SV2B: variants seen among roughly 807,000 people sequenced by gnomAD.
SV2B encodes synaptic vesicle glycoprotein 2B.
In SV2B, 41 loss-of-function variants were observed where a neutral mutation model predicts 73.9. The ratio of observed to expected loss-of-function variants is 0.56; its 90% CI spans 0.43 to 0.72. SV2B has a LOEUF of 0.72. SV2B is among the 30% of genes least tolerant of loss of function. The probability of loss-of-function intolerance (pLI) is 0.00; values close to 1 mark genes in which losing one functional copy is unlikely to be tolerated. For synonymous variants in SV2B, 314 were observed against 314.2 expected (o/e 1.00, Z 0.01); for missense variants, 764 against 857.8 (o/e 0.89, Z 1.37).
At chr15:91,144,628 G>A (rs934802195) in intron 1 of SV2B, among the ~76,000 whole-genome samples, 2 of 152,218 alleles carry the variant, frequency 1.3e-5, no homozygotes, top group Admixed American at 6.5e-5. Flanking sequence ...GACTTGCTGA[G>A]TTTGTGGCCA....
chr15:91,174,310 C>T (rs2044226565), intron 1 of SV2B, among the ~76,000 whole-genome samples: 2 of 152,172 alleles, frequency 1.3e-5, no homozygotes, highest in Non-Finnish European at 1.5e-5. Context: ...TACTTAAGTT[C>T]TTTGTGCTTC....
intron 1 of SV2B, among the ~76,000 whole-genome samples, chr15:91,180,530 C>A (rs1331282109): frequency 6.6e-6 from 1 of 152,178 alleles, no homozygotes; most frequent in East Asian, 1.9e-4. Flanking sequence ...TTCAGGTAAC[C>A]AATCAGATGT....
At chr15:91,244,035 C>A (rs2047128343) in intron 2 of SV2B, among the ~76,000 whole-genome samples, 1 of 152,150 alleles carries the variant, frequency 6.6e-6, no homozygotes, top group Admixed American at 6.5e-5. Flanking sequence ...TCTTCATGGG[C>A]TATGTCATAA....
chr15:91,132,285 A>G lies in SV2B; in HGVS notation c.-392+31922A>G, dbSNP rs1047509800. On this transcript the variant is annotated intron_variant, in intron 1 of 12. Transcript: ENST00000394232. This position sits in a 1 kb window ranked among gnomAD's most constrained non-coding sequence, Gnocchi z 4.6. ...CATGTAAATGAAGTAGTAGCCCACAATCAGTCTGATTGGTTGCAGAAAGCA... is the reference window on the plus strand; with the variant it reads ...CATGTAAATGAAGTAGTAGCCCACAGTCAGTCTGATTGGTTGCAGAAAGCA... Among the ~76,000 whole-genome samples the G allele has an allele frequency of 8.5e-5, 13 of 152,316 alleles. No individual in the cohort carries two copies. Among genetic ancestry groups the G allele is most frequent in the South Asian group, 2.1e-4 (1 of 4,822 alleles).
chr15:91,099,887 G>T (rs1192443168), upstream of SV2B: 1 of 152,290 alleles, frequency 6.6e-6, no homozygotes, highest in Non-Finnish European at 1.5e-5. Flanking sequence ...CCTAGGCGGG[G>T]TGGAGACAGC....
Position 91,203,383 on chromosome 15 carries a change from G to A in SV2B, c.-391-22490G>A, listed in dbSNP as rs543295505. ...GAGCCTGGTACCGTTGAAATGAAAAGGCAGGGATTCCCTCTCCACCTGGAA... is the reference window on the plus strand; with the variant it reads ...GAGCCTGGTACCGTTGAAATGAAAAAGCAGGGATTCCCTCTCCACCTGGAA... On this transcript the variant is annotated intron_variant, in intron 1 of 12. Coordinates refer to ENST00000394232, the MANE Select transcript of SV2B (RefSeq NM_001323032.3). Among the ~76,000 whole-genome samples the A allele has an allele frequency of 2.6e-4, 40 of 152,344 alleles. 3 individuals are homozygous for A. The South Asian group carries it at 7.7e-3, about 29-fold the overall frequency.
chr15:91,195,835 A>G (rs2045226666), intron 1 of SV2B, among the ~76,000 whole-genome samples: 1 of 152,232 alleles, frequency 6.6e-6, no homozygotes, highest in Non-Finnish European at 1.5e-5. Context: ...AGCAAGTCCT[A>G]CATGAAGCTT....
chr15:91,223,531 G>C lies in SV2B; in HGVS notation c.-391-2342G>C, dbSNP rs930387438. ...GAGTCCCACAAGTGCTTTTGGAATT[G>C]CAAGTCTATCATTTCTGGTTCACGA... On this transcript the variant is annotated intron_variant, in intron 1 of 12. Transcript: ENST00000394232. This position sits in a 1 kb window ranked among gnomAD's most constrained non-coding sequence, Gnocchi z 4.6. 5.3e-5 allele frequency among the ~76,000 whole-genome samples: 8 copies of C among 152,168 alleles called. No individual in the cohort carries two copies. Among genetic ancestry groups the C allele is most frequent in the African/African-American group, 9.7e-5 (4 of 41,434 alleles).
chr15:91,169,962 G>T (rs574526960), intron 1 of SV2B, among the ~76,000 whole-genome samples: 2 of 152,220 alleles, frequency 1.3e-5, no homozygotes, highest in Non-Finnish European at 2.9e-5. Flanking sequence ...AAAATTGACT[G>T]AAGAGAATCA....
intron 11 of SV2B, among the ~76,000 whole-genome samples, chr15:91,285,787 G>A (rs1239617873): frequency 6.6e-6 from 1 of 152,106 alleles, no homozygotes. Flanking sequence ...TTCTGGGGGA[G>A]GCAGGGTTAT....
intron 9 of SV2B, among the ~76,000 whole-genome samples, chr15:91,273,082 C>G (rs901996356): frequency 1.3e-5 from 2 of 152,110 alleles, no homozygotes; most frequent in Non-Finnish European, 2.9e-5. Flanking sequence ...ATCCGCCCCC[C>G]TCGGCCTCCC....
chr15:91,269,724 T>C (rs1170494444), intron 9 of SV2B, among the ~76,000 whole-genome samples: 1 of 152,254 alleles, frequency 6.6e-6, no homozygotes, highest in Non-Finnish European at 1.5e-5. Flanking sequence ...CTTCCTGTTA[T>C]TTAAGGTGAG....
intron 1 of SV2B, among the ~76,000 whole-genome samples, chr15:91,158,863 A>G (rs866246391): frequency 1.3e-5 from 2 of 150,956 alleles, no homozygotes; most frequent in African/African-American, 2.4e-5. Flanking sequence ...TAGGCTGTGT[A>G]TCGTTGGAGC....
rs1271759078 is a variant in SV2B, at chr15:91,284,880, G to C, written c.1708+659G>C. ...TTGCCTCATTCCATCGGGACTTGCA[G>C]CAATTTATTACAGAAACACATGCCA... On this transcript the variant is annotated intron_variant, in intron 11 of 12. Transcript: ENST00000394232. This position sits in a 1 kb window ranked among gnomAD's most constrained non-coding sequence, Gnocchi z 4.5. 6.6e-6 allele frequency among the ~76,000 whole-genome samples: 1 copy of C among 152,106 alleles called. No individual in the cohort carries two copies. Among genetic ancestry groups the C allele is most frequent in the African/African-American group, 2.4e-5 (1 of 41,418 alleles).
Position 91,265,638 on chromosome 15 carries a change from C to CCAGCTGCAGCCAAGAGTT in SV2B, c.1009-934_1009-917dup, listed in dbSNP as rs1186644194. On this transcript the variant is annotated intron_variant, in intron 6 of 12. Transcript: ENST00000394232. The surrounding 1 kb of genome is among the most constrained non-coding windows in gnomAD (Gnocchi z 4.2). ...ATGAAGGTACTGAATAGCTTGAAGCCCAGCTGCAGCCAAGAGTTCAGCTGC... is the reference window on the plus strand; with the variant it reads ...ATGAAGGTACTGAATAGCTTGAAGCCCAGCTGCAGCCAAGAGTTCAGCTGCAGCCAAGAGTTCAGCTGC... Among the ~76,000 whole-genome samples, 1 of 152,126 alleles carries CCAGCTGCAGCCAAGAGTT rather than the reference C, an allele frequency of 6.6e-6. No individual in the cohort carries two copies. The highest frequency in any genetic ancestry group is 1.5e-5 in the Non-Finnish European group (1 of 68,028).
intron 1 of SV2B, among the ~76,000 whole-genome samples, chr15:91,179,310 T>TATAGGAGAGCTTTACTTCC (rs2044453728): frequency 6.6e-6 from 1 of 151,844 alleles, no homozygotes; most frequent in Non-Finnish European, 1.5e-5. Flanking sequence ...GCTTTACTTC[T>TATAGGAGAGCTTTACTTCC]ACCTATGTGG....
chr15:91,210,564 G>A (rs2045819755), intron 1 of SV2B, among the ~76,000 whole-genome samples: 1 of 152,074 alleles, frequency 6.6e-6, no homozygotes, highest in South Asian at 2.1e-4. Flanking sequence ...GGGTGTGTTG[G>A]GGAATGATCC....
At position 91,292,640 on chromosome 15, in the gene SV2B, A is replaced by G; in HGVS notation, c.*88A>G. On this transcript the variant is annotated 3_prime_UTR_variant, in exon 13 of 13. Transcript: ENST00000394232. Reference sequence around the variant, plus strand: ...CTTCCTGCCTATCACGGTCCGGAGGACACCTTGGATAGCACGGGAGGAGAA... The same window carrying G: ...CTTCCTGCCTATCACGGTCCGGAGGGCACCTTGGATAGCACGGGAGGAGAA... 6.8e-7 allele frequency: 1 copy of G among 1,479,800 alleles called. No homozygotes were observed. The highest frequency in any genetic ancestry group is 9.1e-7 in the Non-Finnish European group (1 of 1,104,582). 91.7% of individuals were successfully genotyped at this position (1,479,800 alleles called of 1,614,324 possible).
chr15:91,196,204 T>A (rs2045240266), intron 1 of SV2B, among the ~76,000 whole-genome samples: 1 of 152,234 alleles, frequency 6.6e-6, no homozygotes, highest in Non-Finnish European at 1.5e-5. Flanking sequence ...GCGGAACATT[T>A]ATTCACTCCA....
Sources: allele counts gnomAD v4.1 joint callset (sites outside exome capture counted in the v4.1 genomes callset), GRCh38; gene constraint gnomAD v4.1.1; non-coding constraint Gnocchi (gnomAD v3.1); transcripts MANE v1.5; gene names NCBI Gene and HGNC (gene_info 2026-07-23, HGNC 2026-07-21).